SMYD2: variants seen among roughly 807,000 people sequenced by gnomAD.
SMYD2 encodes the protein SET and MYND domain containing 2.
Under a neutral mutation model 59.1 loss-of-function variants are expected in SMYD2, and 53 were observed. That is an observed-to-expected ratio of 0.90 (90% CI 0.72 to 1.13). The LOEUF (loss-of-function observed/expected upper bound fraction) is 1.13. Among genes scored for constraint, SMYD2 ranks in the 50% most tolerant of loss-of-function variants. The probability of loss-of-function intolerance (pLI) is 0.00; values close to 1 mark genes in which losing one functional copy is unlikely to be tolerated. For synonymous variants in SMYD2, 208 were observed against 198.8 expected (o/e 1.05, Z -0.39); for missense variants, 494 against 544.7 (o/e 0.91, Z 0.93).
chr1:214,333,707 GT>G (rs1231751002), intron 10 of SMYD2: 1 of 125,718 alleles, frequency 8.0e-6, no homozygotes, highest in East Asian at 2.7e-4. Context: ...GCACTTAACT[GT>G]TTTGCTAAAC....
At chr1:214,325,636 G>A (rs191355231) in intron 6 of SMYD2, among the ~76,000 whole-genome samples, 12 of 152,156 alleles carry the variant, frequency 7.9e-5, no homozygotes, top group South Asian at 4.2e-4. Context: ...AGAAGAATCC[G>A]TACAGTCTGT....
At chr1:214,330,129 C>T (rs1415777382) in intron 7 of SMYD2, 39 bp from the exon 8 acceptor site, 3 of 1,380,710 alleles carry the variant, frequency 2.2e-6, no homozygotes, top group Non-Finnish European at 3.0e-6. Context: ...TTGAGTTTAC[C>T]TGTAGCAGAC....
chr1:214,285,777 TGC>T (rs1656528139), intron 1 of SMYD2, among the ~76,000 whole-genome samples: 1 of 152,356 alleles, frequency 6.6e-6, no homozygotes, highest in South Asian at 2.1e-4. Context: ...TGTGCCAGCA[TGC>T]TAGAGTGTAC....
chr1:214,330,430 C>G (rs1657333441), intron 8 of SMYD2, 152 bp downstream of exon 8: 1 of 569,478 alleles, frequency 1.8e-6, no homozygotes, highest in Non-Finnish European at 3.1e-6. Flanking sequence ...TCTAGTTAGA[C>G]CAGGTCTCTG....
At chr1:214,322,214 G>A (rs1040324420) in intron 5 of SMYD2, among the ~76,000 whole-genome samples, 5 of 152,216 alleles carry the variant, frequency 3.3e-5, no homozygotes, top group African/African-American at 1.2e-4. Flanking sequence ...GCTGAGGCGT[G>A]GTAGTACTCA....
chr1:214,286,203 G>A (rs1042122869), intron 1 of SMYD2, among the ~76,000 whole-genome samples: 1 of 152,210 alleles, frequency 6.6e-6, no homozygotes, highest in Admixed American at 6.5e-5. Context: ...ACTAATGCCA[G>A]TGCCGTTAAT....
intron 5 of SMYD2, among the ~76,000 whole-genome samples, chr1:214,324,074 T>G (rs1236171303): frequency 6.6e-6 from 1 of 152,184 alleles, no homozygotes; most frequent in Non-Finnish European, 1.5e-5. Context: ...ATTACAGGCA[T>G]GCGCCACCAC....
At chr1:214,290,365 A>G (rs1327522856) in intron 1 of SMYD2, among the ~76,000 whole-genome samples, 1 of 151,694 alleles carries the variant, frequency 6.6e-6, no homozygotes, top group Non-Finnish European at 1.5e-5. Context: ...AAATCTAGCG[A>G]CTCTTGTACA....
At chr1:214,300,036 T>TA (rs1382445779) in intron 1 of SMYD2, among the ~76,000 whole-genome samples, 1 of 152,244 alleles carries the variant, frequency 6.6e-6, no homozygotes, top group Non-Finnish European at 1.5e-5. Flanking sequence ...TATTGGGCAC[T>TA]ATGCTCACTA....
intron 3 of SMYD2, among the ~76,000 whole-genome samples, chr1:214,315,297 G>T (rs1190843800): frequency 6.6e-6 from 1 of 152,130 alleles, no homozygotes; most frequent in African/African-American, 2.4e-5. Flanking sequence ...CTCTTTCTTG[G>T]CTCCTTTCTT....
chr1:214,330,217 A>C lies in SMYD2; in HGVS notation c.755A>C (p.Asp252Ala). The C allele has an allele frequency of 6.2e-7, 1 of 1,613,588 alleles. No homozygotes were observed. The highest frequency in any genetic ancestry group is 8.5e-7 in the Non-Finnish European group (1 of 1,179,668). Residue 252 changes from aspartate (D) to alanine (A), a missense_variant, in exon 8 of 12, where the codon GAC (aspartate) becomes GCC (alanine). By Grantham distance (126) the Asp-to-Ala change is moderately radical. Coordinates refer to ENST00000366957, the MANE Select transcript of SMYD2 (RefSeq NM_020197.3). ...CTGTACCCAACGGAAGATAGAAATG[A>C]CCGGTTAAGAGATTCTTATTTCTTT... Reference protein sequence around the residue: ...DLLYPTEDRNDRLRDSYFFTC... With the variant: ...DLLYPTEDRNARLRDSYFFTC...
At chr1:214,317,034 T>A (rs991062737) in intron 3 of SMYD2, among the ~76,000 whole-genome samples, 1 of 152,126 alleles carries the variant, frequency 6.6e-6, no homozygotes, top group Non-Finnish European at 1.5e-5. Context: ...TATAGTGATA[T>A]GTTAAGAATT....
chr1:214,288,725 G>T (rs1656589401), intron 1 of SMYD2, among the ~76,000 whole-genome samples: 1 of 152,210 alleles, frequency 6.6e-6, no homozygotes, highest in South Asian at 2.1e-4. Flanking sequence ...ATAATGCTTT[G>T]AAATTTGCAT....
At chr1:214,303,185 GA>G (rs1352906925) in intron 1 of SMYD2, among the ~76,000 whole-genome samples, 2 of 152,116 alleles carry the variant, frequency 1.3e-5, no homozygotes, top group Non-Finnish European at 2.9e-5. Flanking sequence ...TTTTTGGATA[GA>G]CATTTTTAAA....
Position 214,281,365 on chromosome 1 carries a change from G to C in SMYD2, c.111G>C (p.Pro37=), listed in dbSNP as rs538238350. ...FQVGDLLFSC[P]AYAYVLTVNE... is the part of the protein sequence containing the mutation. The stretch of plus-strand genomic sequence containing the variant: ...TGGGGGACTTGCTGTTCTCCTGCCC[G>C]GCCTATGCCTACGTGCTCACGGTCA... The change falls in exon 1 of 12, where the codon CCG becomes CCC. Residue 37 remains proline, a synonymous_variant. Transcript: ENST00000366957. The C allele has an allele frequency of 6.9e-7, 1 of 1,457,194 alleles. No homozygotes were observed. Among genetic ancestry groups the C allele is most frequent in the East Asian group, 2.8e-5 (1 of 36,240 alleles). The allele number at this position is 1,457,194 out of a possible 1,614,324, so 90.3% of individuals were successfully genotyped here. A position where few individuals can be genotyped will look rare whatever the true frequency, so the allele number is the denominator to read the frequency against.
At chr1:214,289,185 A>G (rs529018488) in intron 1 of SMYD2, among the ~76,000 whole-genome samples, 21 of 151,996 alleles carry the variant, frequency 1.4e-4, no homozygotes, top group South Asian at 1.2e-3. Flanking sequence ...CTTTGGGAGA[A>G]CTCAGAATTG....
intron 2 of SMYD2, 76 bp from the exon 3 acceptor site, chr1:214,314,686 C>T: frequency 1.9e-6 from 2 of 1,054,302 alleles, no homozygotes; most frequent in East Asian, 2.4e-5. Flanking sequence ...TAGGGGGACT[C>T]ACTGCATCCT....
At chr1:214,305,628 G>A (rs750384754) in intron 2 of SMYD2, among the ~76,000 whole-genome samples, 1 of 152,164 alleles carries the variant, frequency 6.6e-6, no homozygotes, top group African/African-American at 2.4e-5. Context: ...TCCATAGCAG[G>A]CTACATCTTA....
chr1:214,331,761 A>C (rs1657356744), intron 9 of SMYD2: 1 of 359,660 alleles, frequency 2.8e-6, no homozygotes, highest in Non-Finnish European at 5.0e-6. Flanking sequence ...GATTTTAATC[A>C]ACATTGTTTA....
Sources: gnomAD v4.1 joint callset for allele counts (sites outside exome capture counted in the v4.1 genomes callset) on GRCh38, gnomAD v4.1.1 for gene constraint, MANE v1.5 for transcripts, NCBI Gene and HGNC (gene_info 2026-07-23, HGNC 2026-07-21) for gene names.